The following UGT1A10 variants were observed in gnomAD, a reference collection of about 807,000 sequenced individuals.
The protein encoded by UGT1A10 is UDP glucuronosyltransferase family 1 member A10.
In UGT1A10, 49 loss-of-function variants were observed where a neutral mutation model predicts 45.8. That is an observed-to-expected ratio of 1.07 (90% CI 0.85 to 1.36). UGT1A10 has a LOEUF of 1.36. UGT1A10 is among the 40% of genes most tolerant of loss of function. The probability of loss-of-function intolerance (pLI) is 0.00; values close to 1 mark genes in which losing one functional copy is unlikely to be tolerated. For synonymous variants in UGT1A10, 284 were observed against 249.7 expected, an observed-to-expected ratio of 1.14 and a Z score of -1.29; for missense variants, 745 against 668.6, an observed-to-expected ratio of 1.11 and a Z score of -1.26.
Position 233,738,670 on chromosome 2 carries a change from T to C in UGT1A10, c.856-28364T>C, listed in dbSNP as rs377285735. 5.3e-5 allele frequency among the ~76,000 whole-genome samples: 8 copies of C among 152,304 alleles called. No homozygotes were observed. The East Asian group carries it at 7.7e-4, about 15-fold the overall frequency. On this transcript the variant is annotated intron_variant, in intron 1 of 4. Transcript: ENST00000344644. ...TTTGGAACTACGAACTTGAGAGAGA[T>C]GATCTGAAATTGGAACTTATGTTTA...
At position 233,736,090 on chromosome 2, in the gene UGT1A10, T is replaced by C. The variant is rs1422886640; in HGVS notation, c.856-30944T>C. ...AGGTTTGGGAAGTTCTCCTGGATAA[T>C]ATCCTGAAGAGTGTTTTCCAACTTG... On this transcript the variant is annotated intron_variant, in intron 1 of 4. Coordinates refer to ENST00000344644, the MANE Select transcript of UGT1A10 (RefSeq NM_019075.4). Among the ~76,000 whole-genome samples, 4 of 152,378 alleles carry C rather than the reference T, an allele frequency of 2.6e-5. No homozygotes were observed. The East Asian group carries it at 7.7e-4, about 29-fold the overall frequency.
At chr2:233,639,298 T>C (rs1040107312) in intron 1 of UGT1A10, among the ~76,000 whole-genome samples, 1 of 152,218 alleles carries the variant, frequency 6.6e-6, no homozygotes. Flanking sequence ...TGTATATTAA[T>C]GTATATTTTT....
Position 233,769,698 on chromosome 2 carries a change from G to A in UGT1A10, c.1295+1259G>A. The A allele has an allele frequency of 6.5e-7, 1 of 1,529,982 alleles. No individual in the cohort carries two copies. Among genetic ancestry groups the A allele is most frequent in the Non-Finnish European group, 8.8e-7 (1 of 1,137,522 alleles). 94.8% of individuals were successfully genotyped at this position (1,529,982 alleles called of 1,614,324 possible). On this transcript the variant is annotated intron_variant, in intron 4 of 4. Coordinates refer to ENST00000344644, the MANE Select transcript of UGT1A10 (RefSeq NM_019075.4). The surrounding 1 kb of genome is among the most constrained non-coding windows in gnomAD (Gnocchi z 4.4). ...GTGTGTGTGGTGGCACTGGATAAAAGATCAATGTTGGCTAGGCACCATGGC... is the reference window on the plus strand; with the variant it reads ...GTGTGTGTGGTGGCACTGGATAAAAAATCAATGTTGGCTAGGCACCATGGC...
intron 1 of UGT1A10, chr2:233,760,971 C>A (rs773436128): frequency 6.2e-7 from 1 of 1,614,154 alleles, no homozygotes; most frequent in Non-Finnish European, 8.5e-7. Context: ...TGGTTTATTC[C>A]CCGTATGCAA....
intron 1 of UGT1A10, among the ~76,000 whole-genome samples, chr2:233,678,560 G>A (rs541941089): frequency 6.6e-6 from 1 of 152,162 alleles, no homozygotes; most frequent in Non-Finnish European, 1.5e-5. Context: ...CTTTTATACA[G>A]TACTAATCCT....
At chr2:233,743,500 G>A (rs1692320466) in intron 1 of UGT1A10, 2 of 1,367,072 alleles carry the variant, frequency 1.5e-6, no homozygotes. Flanking sequence ...AGAGAAAAGG[G>A]GTGCAGACGC....
chr2:233,761,212 G>A (rs1200424446), intron 1 of UGT1A10: 5 of 1,613,556 alleles, frequency 3.1e-6, no homozygotes, highest in Non-Finnish European at 2.5e-6. Flanking sequence ...ACTTTGGATC[G>A]ATTAACTAGC....
chr2:233,682,442 GC>G, intron 1 of UGT1A10: 1 of 1,613,664 alleles, frequency 6.2e-7, no homozygotes, highest in Non-Finnish European at 8.5e-7. Context: ...TGTGGTCTTC[GC>G]CAGGGGAATA....
chr2:233,663,446 G>A (rs894814234), intron 1 of UGT1A10, among the ~76,000 whole-genome samples: 1 of 152,036 alleles, frequency 6.6e-6, no homozygotes, highest in African/African-American at 2.4e-5. Context: ...CTGGGTGGGG[G>A]CCACAAGAGC....
intron 1 of UGT1A10, among the ~76,000 whole-genome samples, chr2:233,736,744 G>A (rs1355723073): frequency 6.6e-6 from 1 of 152,214 alleles, no homozygotes; most frequent in Non-Finnish European, 1.5e-5. Context: ...GTTCCTTTCT[G>A]TTTGTTAGTT....
At chr2:233,660,398 G>A (rs941721741) in intron 1 of UGT1A10, among the ~76,000 whole-genome samples, 1 of 152,124 alleles carries the variant, frequency 6.6e-6, no homozygotes, top group Non-Finnish European at 1.5e-5. Context: ...GAATTCATGG[G>A]GTTCTGGATG....
At chr2:233,717,209 CG>C (rs1559362356) in intron 1 of UGT1A10, among the ~76,000 whole-genome samples, 1 of 152,166 alleles carries the variant, frequency 6.6e-6, no homozygotes, top group African/African-American at 2.4e-5. Flanking sequence ...ACCCTCACCC[CG>C]GGCTCATCAG....
At chr2:233,754,790 T>C (rs1308374413) in intron 1 of UGT1A10, 13 of 1,196,884 alleles carry the variant, frequency 1.1e-5, no homozygotes, top group Non-Finnish European at 1.4e-5. Context: ...AGGAACGAAA[T>C]CCTGTATCAA....
At chr2:233,648,830 G>A in intron 1 of UGT1A10, 1 of 1,068,324 alleles carries the variant, frequency 9.4e-7, no homozygotes, top group South Asian at 1.2e-5. Context: ...CATTTATTTT[G>A]CCCATATTTT....
intron 1 of UGT1A10, among the ~76,000 whole-genome samples, chr2:233,678,629 A>G (rs1442739534): frequency 1.3e-5 from 2 of 152,336 alleles, no homozygotes; most frequent in East Asian, 1.9e-4. Context: ...ATAGAAGTCA[A>G]TAGCAGTCTT....
intron 1 of UGT1A10, chr2:233,713,437 T>G: frequency 6.2e-7 from 1 of 1,614,192 alleles, no homozygotes; most frequent in Non-Finnish European, 8.5e-7. Flanking sequence ...TTTGATGTGG[T>G]TCTAACAGAC....
chr2:233,680,294 A>C (rs1489450054), intron 1 of UGT1A10, among the ~76,000 whole-genome samples: 1 of 152,106 alleles, frequency 6.6e-6, no homozygotes, highest in East Asian at 1.9e-4. Context: ...ATCATTTTTT[A>C]CTCTGACATG....
At chr2:233,757,106 G>A (rs1294387153) in intron 1 of UGT1A10, among the ~76,000 whole-genome samples, 2 of 151,332 alleles carry the variant, frequency 1.3e-5, no homozygotes, top group African/African-American at 4.9e-5. Flanking sequence ...GAGGGGGCAA[G>A]CAGAAGGGCT....
At chr2:233,733,635 C>T (rs2078423363) in intron 1 of UGT1A10, among the ~76,000 whole-genome samples, 1 of 152,186 alleles carries the variant, frequency 6.6e-6, no homozygotes, top group African/African-American at 2.4e-5. Flanking sequence ...TTGAACCAGC[C>T]TTGCATCCCA....
Sources: allele counts gnomAD v4.1 joint callset (sites outside exome capture counted in the v4.1 genomes callset), GRCh38; gene constraint gnomAD v4.1.1; non-coding constraint Gnocchi (gnomAD v3.1); transcripts MANE v1.5; gene names NCBI Gene and HGNC (gene_info 2026-07-23, HGNC 2026-07-21).